SPPL2B: variants seen among roughly 807,000 people sequenced by gnomAD.
SPPL2B encodes the protein signal peptide peptidase like 2B, also known as signal peptide peptidase-like 2B.
Under a neutral mutation model 59.7 loss-of-function variants are expected in SPPL2B, and 39 were observed. The observed-to-expected ratio is 0.65, with a 90% CI of 0.51 to 0.85. SPPL2B has a LOEUF of 0.85. Ranked by LOEUF, SPPL2B falls within the 40% of genes least tolerant of loss-of-function variation. The pLI is 0.00. For synonymous variants in SPPL2B, 419 were observed against 370.8 expected (o/e 1.13, Z -1.49); for missense variants, 865 against 849.0 (o/e 1.02, Z -0.23).
intron 13 of SPPL2B, among the ~76,000 whole-genome samples, chr19:2,349,335 G>A (rs1310739504): frequency 1.4e-4 from 15 of 109,794 alleles, no homozygotes; most frequent in Non-Finnish European, 1.9e-4. Flanking sequence ...GCTTGATTCC[G>A]TTCTCTCTCT....
At chr19:2,337,739 C>G (rs537446152) in intron 3 of SPPL2B, 114 bp downstream of exon 3, 1 of 1,097,854 alleles carries the variant, frequency 9.1e-7, no homozygotes, top group East Asian at 2.7e-5. Context: ...AAAGGCAGAT[C>G]CATCTGTGGG....
intron 12 of SPPL2B, 56 bp from the exon 13 acceptor site, chr19:2,345,197 C>A (rs1447698257): frequency 1.3e-6 from 2 of 1,513,792 alleles, no homozygotes; most frequent in African/African-American, 1.4e-5. Context: ...TCCCAGGAAG[C>A]CCCTGCTCTG....
chr19:2,353,191 G>C lies in SPPL2B; in HGVS notation c.1761G>C (p.Gln587His). 6.2e-7 allele frequency: 1 copy of C among 1,603,888 alleles called. No homozygotes were observed. The highest frequency in any genetic ancestry group is 1.1e-5 in the South Asian group (1 of 90,826). Residue 587 changes from glutamine (Q) to histidine (H), a missense_variant, in exon 15 of 15, where the codon CAG becomes CAC. Coordinates refer to ENST00000613503, the MANE Select transcript of SPPL2B (RefSeq NM_152988.3). ...RDQAQPSPVT[Q>H]PGASA Reference sequence around the variant, plus strand: ...AGGCCCAGCCGTCCCCGGTAACCCAGCCTGGCGCCTCGGCCTAGGGGAGGG... The same window carrying C: ...AGGCCCAGCCGTCCCCGGTAACCCACCCTGGCGCCTCGGCCTAGGGGAGGG...
intron 3 of SPPL2B, chr19:2,338,131 A>G (rs970764042): frequency 6.3e-6 from 1 of 158,436 alleles, no homozygotes; most frequent in African/African-American, 2.4e-5. Flanking sequence ...AGGGCTGGTC[A>G]CAGCACAGGG....
chr19:2,340,467 C>T lies in SPPL2B; in HGVS notation c.839+295C>T, dbSNP rs753922350. ...GGGTTCCCCAGGGTTCTCCGGGGAACCCAGAAGGTTCCCCACAGCCCAGAG... is the reference window on the plus strand; with the variant it reads ...GGGTTCCCCAGGGTTCTCCGGGGAATCCAGAAGGTTCCCCACAGCCCAGAG... On this transcript the variant is annotated intron_variant, in intron 7 of 14. Transcript: ENST00000613503. 1.7e-4 allele frequency: 107 copies of T among 619,692 alleles called. No homozygotes were observed. The Admixed American group carries it at 1.9e-3, about 11-fold the overall frequency. 38.4% of individuals were successfully genotyped at this position (619,692 alleles called of 1,614,324 possible).
chr19:2,343,135 G>C (rs1274467328), intron 8 of SPPL2B, 76 bp from the exon 9 acceptor site: 1 of 1,190,838 alleles, frequency 8.4e-7, no homozygotes, highest in Non-Finnish European at 1.2e-6. Flanking sequence ...CAAGGGCCCT[G>C]TGTGGCTCGT....
chr19:2,340,069 C>T lies in SPPL2B; in HGVS notation c.743-7C>T. On this transcript the variant is annotated splice_region_variant and splice_polypyrimidine_tract_variant and intron_variant, in intron 6 of 14. Coordinates refer to ENST00000613503, the MANE Select transcript of SPPL2B (RefSeq NM_152988.3). ...TGGCCCCCGGCCTCACGGCCCTGCCCCTGCAGTGTACGTGGTCATCGGGAT... is the reference window on the plus strand; with the variant it reads ...TGGCCCCCGGCCTCACGGCCCTGCCTCTGCAGTGTACGTGGTCATCGGGAT... The T allele has an allele frequency of 1.3e-6, 2 of 1,590,028 alleles. No homozygotes were observed. Among genetic ancestry groups the T allele is most frequent in the Non-Finnish European group, 8.5e-7 (1 of 1,172,208 alleles).
rs1194449662 is a variant in SPPL2B, at chr19:2,339,050, G to A, written c.460-19G>A. 3 of 1,545,840 alleles carry A rather than the reference G, an allele frequency of 1.9e-6. No homozygotes were observed. The highest frequency in any genetic ancestry group is 2.0e-5 in the Admixed American group (1 of 51,004). On this transcript the variant is annotated intron_variant, in intron 4 of 14. Transcript: ENST00000613503. Reference sequence around the variant, plus strand: ...GCGGGTGGCTCTGACGCCTGCCTCCGGTGTGTTCCTTGAGGCAGCGTTTCG... The same window carrying A: ...GCGGGTGGCTCTGACGCCTGCCTCCAGTGTGTTCCTTGAGGCAGCGTTTCG...
chr19:2,351,928 C>T (rs1302143667), intron 14 of SPPL2B, among the ~76,000 whole-genome samples: 2 of 152,082 alleles, frequency 1.3e-5, no homozygotes, highest in African/African-American at 4.8e-5. Flanking sequence ...AGTTGCTTCT[C>T]CCAAATAGTA....
chr19:2,343,994 C>T lies in SPPL2B; in HGVS notation c.1068C>T (p.Phe356=). ...KACTLLLLVL[F]LYDIFFVFIT... The stretch of plus-strand genomic sequence containing the variant: ...GCACGCTGCTGCTGCTGGTGCTGTT[C>T]CTCTACGACATCTTCTTCGTGTTCA... The change falls in exon 10 of 15, where the codon TTC becomes TTT. Residue 356 remains phenylalanine, a synonymous_variant. Transcript: ENST00000613503. 1 of 1,548,462 alleles carries T rather than the reference C, an allele frequency of 6.5e-7. No individual in the cohort carries two copies. The highest frequency in any genetic ancestry group is 8.7e-7 in the Non-Finnish European group (1 of 1,146,702).
At chr19:2,341,578 C>T (rs1036148038) in intron 8 of SPPL2B, 9 of 455,754 alleles carry the variant, frequency 2.0e-5, no homozygotes, top group African/African-American at 4.0e-5. Flanking sequence ...AGAGCTGGCC[C>T]GTCCCCGCCC....
intron 5 of SPPL2B, 114 bp downstream of exon 5, chr19:2,339,322 G>A (rs868571928): frequency 2.9e-5 from 34 of 1,171,776 alleles, no homozygotes; most frequent in Middle Eastern, 5.7e-4. Flanking sequence ...GGCACGGCTC[G>A]CCCCGTGGAG....
chr19:2,331,176 C>T (rs1378682458), intron 1 of SPPL2B, among the ~76,000 whole-genome samples: 3 of 152,332 alleles, frequency 2.0e-5, no homozygotes, highest in South Asian at 2.1e-4. Context: ...CTGGCTGGAC[C>T]CGGCCCGGCT....
intron 13 of SPPL2B, among the ~76,000 whole-genome samples, chr19:2,349,203 C>T (rs1350471758): frequency 5.0e-5 from 1 of 20,188 alleles, no homozygotes. Context: ...CGCTTGATTC[C>T]GTTCTCTCTC....
At chr19:2,347,469 C>G (rs1408041701) in intron 13 of SPPL2B, among the ~76,000 whole-genome samples, 1 of 42,360 alleles carries the variant, frequency 2.4e-5, no homozygotes, top group African/African-American at 1.1e-4. Context: ...CGCCTGATTC[C>G]GTTCTCTCTC....
intron 14 of SPPL2B, 114 bp downstream of exon 14, chr19:2,351,708 A>T: frequency 7.1e-7 from 1 of 1,409,714 alleles, no homozygotes; most frequent in East Asian, 2.3e-5. Flanking sequence ...GACGGGGCTC[A>T]GGGTCCTGGT....
chr19:2,338,822 A>T lies in SPPL2B; in HGVS notation c.440A>T (p.Asp147Val). 1.2e-6 allele frequency: 2 copies of T among 1,613,464 alleles called. No homozygotes were observed. The highest frequency in any genetic ancestry group is 1.7e-6 in the Non-Finnish European group (2 of 1,179,634). The change falls in exon 4 of 15, where the codon GAC becomes GTC. Residue 147 changes from aspartate (D) to valine (V), a missense_variant. Coordinates refer to ENST00000613503, the MANE Select transcript of SPPL2B (RefSeq NM_152988.3). ...GIPVALLSYK[D>V]MLDIFTRFGR... ...CCCGTGGCCCTGCTCAGCTACAAAG[A>T]CATGCTGGACATCTTCACGGTAGGT...
chr19:2,353,058 C>G lies in SPPL2B; in HGVS notation c.1628C>G (p.Ser543Cys). The G allele has an allele frequency of 2.5e-6, 4 of 1,612,078 alleles. No homozygotes were observed. Among genetic ancestry groups the G allele is most frequent in the Non-Finnish European group, 3.4e-6 (4 of 1,179,618 alleles). ...PQPPSEEPAT[S>C]PWPAEQSPKS... Reference sequence around the variant, plus strand: ...CCGCCCAGCGAAGAACCAGCCACATCCCCCTGGCCTGCTGAGCAGTCCCCA... The same window carrying G: ...CCGCCCAGCGAAGAACCAGCCACATGCCCCTGGCCTGCTGAGCAGTCCCCA... Residue 543 changes from serine (S) to cysteine (C), a missense_variant, in exon 15 of 15, where the codon TCC becomes TGC. Physicochemically the swap from Ser to Cys is moderately radical, Grantham distance 112. Transcript: ENST00000613503.
chr19:2,333,668 G>A (rs1012921800), intron 1 of SPPL2B, among the ~76,000 whole-genome samples: 10 of 152,340 alleles, frequency 6.6e-5, no homozygotes, highest in Non-Finnish European at 1.3e-4. Context: ...TCCTGGGCGC[G>A]GTGGCCACCA....
Sources: allele counts gnomAD v4.1 joint callset (sites outside exome capture counted in the v4.1 genomes callset), GRCh38; gene constraint gnomAD v4.1.1; transcripts MANE v1.5; gene names NCBI Gene and HGNC (gene_info 2026-07-23, HGNC 2026-07-21).